Variants in BCLAF3 observed in about 807,000 individuals in gnomAD.
BCLAF3 encodes BCLAF1 and THRAP3 family member 3.
Under a neutral mutation model 51.2 loss-of-function variants are expected in BCLAF3, and 24 were observed. The observed-to-expected ratio is 0.47, with a 90% CI of 0.34 to 0.66. The LOEUF (loss-of-function observed/expected upper bound fraction) is 0.66. Ranked by LOEUF, BCLAF3 falls within the 30% of genes least tolerant of loss-of-function variation. BCLAF3 has a pLI of 0.01. For synonymous variants in BCLAF3, 152 were observed against 176.6 expected (o/e 0.86, Z 1.10); for missense variants, 465 against 525.1 (o/e 0.89, Z 1.12).
At chrX:19,977,376 T>G (rs2072460513) in intron 1 of BCLAF3, among the ~76,000 whole-genome samples, 2 of 112,265 alleles carry the variant, frequency 1.8e-5, no homozygotes, top group Non-Finnish European at 3.8e-5. Context: ...AATGTGTTAC[T>G]TCAATGAACA....
At chrX:19,953,735 T>C in intron 6 of BCLAF3, 43 bp downstream of exon 6, 1 of 1,052,602 alleles carries the variant, frequency 9.5e-7, no homozygotes, top group Non-Finnish European at 1.3e-6. Context: ...CTGAGGTATA[T>C]CCCCATTAGT....
chrX:19,917,238 T>C lies in BCLAF3; in HGVS notation c.*67A>G. ...GTGCCTTAGTGTCACTTCTAACTCC[T>C]GACAAAAAGAGAGAGATGCTCCCAA... On this transcript the variant is annotated 3_prime_UTR_variant, in exon 12 of 12. Transcript: ENST00000379682. 9.7e-7 allele frequency: 1 copy of C among 1,034,182 alleles called. No individual in the cohort carries two copies. Among genetic ancestry groups the C allele is most frequent in the Non-Finnish European group, 1.4e-6 (1 of 736,723 alleles). The allele number at this position is 1,034,182 out of a possible 1,213,427, so 85.2% of individuals were successfully genotyped here.
In BCLAF3 at chrX:19,986,300, C is replaced by T. The variant is rs577996230; in HGVS notation, c.-35+4608G>A. The stretch of plus-strand genomic sequence containing the variant: ...GAAAGCTTAAATAGACCAATTTCCA[C>T]AGAAAAAAAAATTGAGAAAGTTATA... On this transcript the variant is annotated intron_variant, in intron 1 of 11. Coordinates refer to ENST00000379682, the MANE Select transcript of BCLAF3 (RefSeq NM_001367774.2). Among the ~76,000 whole-genome samples the T allele has an allele frequency of 5.4e-5, 6 of 111,221 alleles. No homozygotes were observed. The South Asian group carries it at 2.2e-3, about 41-fold the overall frequency.
chrX:19,976,811 G>A (rs2072440151), intron 1 of BCLAF3, among the ~76,000 whole-genome samples: 1 of 112,075 alleles, frequency 8.9e-6, no homozygotes, highest in Admixed American at 9.5e-5. Flanking sequence ...GCGCTTCACA[G>A]ATACTGCATT....
chrX:19,976,869 G>C (rs1054605095), intron 1 of BCLAF3, among the ~76,000 whole-genome samples: 3 of 111,778 alleles, frequency 2.7e-5, no homozygotes, highest in Non-Finnish European at 5.6e-5. Context: ...TGGCAAACCT[G>C]CATTGAACGA....
intron 10 of BCLAF3, among the ~76,000 whole-genome samples, chrX:19,933,835 A>G (rs1285514089): frequency 9.0e-6 from 1 of 111,503 alleles, no homozygotes; most frequent in Non-Finnish European, 1.9e-5. Flanking sequence ...CCGTGGCACA[A>G]TCTTGGCTCA....
chrX:19,927,377 T>G (rs948518385), intron 11 of BCLAF3, among the ~76,000 whole-genome samples: 3 of 111,756 alleles, frequency 2.7e-5, no homozygotes, highest in African/African-American at 9.8e-5. Flanking sequence ...ATAAAAAAAA[T>G]AAGTTGCCAA....
intron 10 of BCLAF3, among the ~76,000 whole-genome samples, chrX:19,933,940 TA>T (rs966401796): frequency 2.7e-5 from 3 of 110,708 alleles, no homozygotes; most frequent in Non-Finnish European, 5.7e-5. Flanking sequence ...CATGCCCAGC[TA>T]ATTTTTGTAT....
chrX:19,932,237 A>C (rs969492693), intron 10 of BCLAF3, among the ~76,000 whole-genome samples: 2 of 112,192 alleles, frequency 1.8e-5, no homozygotes, highest in Admixed American at 9.5e-5. Context: ...ATGTTTCATC[A>C]CAAAGTTACA....
intron 8 of BCLAF3, among the ~76,000 whole-genome samples, chrX:19,938,726 C>A (rs750864392): frequency 6.0e-4 from 68 of 112,595 alleles, no homozygotes; most frequent in African/African-American, 2.2e-3. Flanking sequence ...TGGTTCCTGG[C>A]ACAAAGCAAT....
intron 11 of BCLAF3, among the ~76,000 whole-genome samples, chrX:19,923,913 C>T (rs1286110535): frequency 9.3e-6 from 1 of 107,030 alleles, no homozygotes; most frequent in Non-Finnish European, 1.9e-5. Context: ...GTGATCTCGT[C>T]TCACTGCTAC....
chrX:19,979,997 A>G (rs2072559477), intron 1 of BCLAF3, among the ~76,000 whole-genome samples: 1 of 111,792 alleles, frequency 8.9e-6, no homozygotes, highest in Non-Finnish European at 1.9e-5. Flanking sequence ...AGGTAGAGAA[A>G]AAAACTAATA....
Position 19,935,902 on chromosome X carries a change from C to T in BCLAF3, c.1861-4G>A. 1 of 1,190,224 alleles carries T rather than the reference C, an allele frequency of 8.4e-7. No individual in the cohort carries two copies. Among genetic ancestry groups the T allele is most frequent in the Non-Finnish European group, 1.1e-6 (1 of 880,916 alleles). ...CTTTTCTCTGCGTAGTATAATTCTG[C>T]ACGAAAAAAAGTAGTAGTGTGGGTT... On this transcript the variant is annotated splice_polypyrimidine_tract_variant and splice_region_variant and intron_variant, in intron 9 of 11. Transcript: ENST00000379682.
chrX:19,957,159 T>C (rs1411635162), intron 4 of BCLAF3, among the ~76,000 whole-genome samples: 1 of 111,788 alleles, frequency 8.9e-6, no homozygotes, highest in Non-Finnish European at 1.9e-5. Flanking sequence ...ATGCAGCAGG[T>C]TGACCGCACT....
At chrX:19,983,149 G>A (rs367973762) in intron 1 of BCLAF3, among the ~76,000 whole-genome samples, 1 of 104,017 alleles carries the variant, frequency 9.6e-6, no homozygotes, top group Non-Finnish European at 2.0e-5. Context: ...GTGGAGATGG[G>A]GTTTCGCCAT....
At chrX:19,949,383 A>T (rs1286682825) in intron 8 of BCLAF3, among the ~76,000 whole-genome samples, 1 of 112,460 alleles carries the variant, frequency 8.9e-6, no homozygotes, top group African/African-American at 3.2e-5. Context: ...TCAAGTTCTT[A>T]ATCACGTCAA....
intron 4 of BCLAF3, among the ~76,000 whole-genome samples, chrX:19,956,538 T>C (rs2071670949): frequency 8.9e-6 from 1 of 111,967 alleles, no homozygotes; most frequent in Non-Finnish European, 1.9e-5. Context: ...CCAAGAATGC[T>C]GCACTTGCTT....
intron 1 of BCLAF3, among the ~76,000 whole-genome samples, chrX:19,974,352 G>A (rs1395965417): frequency 9.0e-6 from 1 of 111,673 alleles, no homozygotes; most frequent in Non-Finnish European, 1.9e-5. Flanking sequence ...GAATCGCCTG[G>A]AGGGCTGGTT....
rs760549479 is a variant in BCLAF3, at chrX:19,967,598, G to A, written c.42-949C>T. Among the ~76,000 whole-genome samples the A allele has an allele frequency of 5.9e-4, 66 of 111,246 alleles. 1 individual carries two copies. The highest frequency in any genetic ancestry group is 1.0e-3 in the Non-Finnish European group (54 of 52,984). ...GTAAAGAGAGGTGTGCCACTATCTGGGACACAATAAAGTTCCATTTTGCAC... is the reference window on the plus strand; with the variant it reads ...GTAAAGAGAGGTGTGCCACTATCTGAGACACAATAAAGTTCCATTTTGCAC... On this transcript the variant is annotated intron_variant, in intron 2 of 11. Transcript: ENST00000379682.
Sources: gnomAD v4.1 joint callset for allele counts (sites outside exome capture counted in the v4.1 genomes callset) on GRCh38, gnomAD v4.1.1 for gene constraint, MANE v1.5 for transcripts, NCBI Gene and HGNC (gene_info 2026-07-23, HGNC 2026-07-21) for gene names.